CD5: variants seen among roughly 807,000 people sequenced by gnomAD.
CD5 encodes the protein T-cell surface glycoprotein CD5.
A neutral mutation model predicts 60.3 loss-of-function variants in CD5; 36 were observed. The observed-to-expected ratio is 0.60, with a 90% CI of 0.46 to 0.79. CD5 has a LOEUF of 0.79. CD5 is among the 30% of genes least tolerant of loss of function. The pLI, the probability that CD5 is intolerant of heterozygous loss-of-function variation, is 0.00. For missense variants in CD5, 540 were observed against 630.6 expected, an observed-to-expected ratio of 0.86 and a Z score of 1.54; for synonymous variants, 230 against 257.6, an observed-to-expected ratio of 0.89 and a Z score of 1.03.
At chr11:61,097,208 AG>A in the CD5 span, among the ~76,000 whole-genome samples, 2 of 152,192 alleles carry the variant, frequency 1.3e-5, no homozygotes, top group South Asian at 4.1e-4. Context: ...ATGTATGCGG[AG>A]GAACTGTAAT....
At chr11:61,102,413 C>T (rs993100681), upstream of CD5, 8 of 619,096 alleles carry the variant, frequency 1.3e-5, no homozygotes, top group African/African-American at 5.6e-5. Flanking sequence ...ACATGGGTGA[C>T]GCAGGCCCCA....
Position 61,118,124 on chromosome 11 carries a change from A to T in CD5, c.95-51A>T, listed in dbSNP as rs1019431859. 4 of 1,554,288 alleles carry T rather than the reference A, an allele frequency of 2.6e-6. No individual in the cohort carries two copies. The highest frequency in any genetic ancestry group is 2.1e-4 in the Middle Eastern group (1 of 4,814). On this transcript the variant is annotated intron_variant, in intron 2 of 10. Coordinates refer to ENST00000347785, the MANE Select transcript of CD5 (RefSeq NM_014207.4). The surrounding 1 kb of genome is among the most constrained non-coding windows in gnomAD (Gnocchi z 4.7). ...TAGGGAGAGGGCAGTGAGGGGTGCC[A>T]GTGGGGAACCCCTCCCAGCCTGACC...
intron 5 of CD5, among the ~76,000 whole-genome samples, chr11:61,120,271 T>C (rs1482133111): frequency 6.6e-6 from 1 of 152,162 alleles, no homozygotes; most frequent in Non-Finnish European, 1.5e-5. Context: ...AACTTCGCAG[T>C]ACGCCTCCCT....
At chr11:61,096,337 G>A in the CD5 span, among the ~76,000 whole-genome samples, 3 of 152,256 alleles carry the variant, frequency 2.0e-5, no homozygotes, top group Admixed American at 6.5e-5. Context: ...CTGGACTGAA[G>A]GGGACCGGGC....
upstream of CD5, chr11:61,102,355 A>G (rs1860705422): frequency 1.7e-6 from 1 of 590,786 alleles, no homozygotes; most frequent in Non-Finnish European, 3.0e-6. Flanking sequence ...TGCCATTCAA[A>G]CAGGGGCAGG....
At chr11:61,121,964 G>A in intron 6 of CD5, 60 bp downstream of exon 6, 1 of 1,431,272 alleles carries the variant, frequency 7.0e-7, no homozygotes, top group Non-Finnish European at 9.4e-7. Context: ...CTAGGACCCG[G>A]TCAGGGTGCA....
chr11:61,105,994 A>G (rs574864084), intron 1 of CD5, among the ~76,000 whole-genome samples: 1 of 152,044 alleles, frequency 6.6e-6, no homozygotes, highest in Non-Finnish European at 1.5e-5. Flanking sequence ...GAGTGGTGGC[A>G]CGCACCTGTA....
chr11:61,106,661 T>A (rs1444337916), intron 1 of CD5, among the ~76,000 whole-genome samples: 2 of 151,854 alleles, frequency 1.3e-5, no homozygotes, highest in Non-Finnish European at 2.9e-5. Flanking sequence ...ATCTATTCTG[T>A]GTGTGTGTGT....
At chr11:61,123,811 A>AAAGCC in intron 7 of CD5, 73 bp from the exon 8 acceptor site, 1 of 262,104 alleles carries the variant, frequency 3.8e-6, no homozygotes, top group Non-Finnish European at 7.1e-6. Flanking sequence ...GCCCAGCCCC[A>AAAGCC]TCCCCACCCC....
the CD5 span, among the ~76,000 whole-genome samples, chr11:61,095,123 A>G: frequency 6.6e-6 from 1 of 152,128 alleles, no homozygotes; most frequent in Non-Finnish European, 1.5e-5. Context: ...TCACAGCAGG[A>G]ATTGGTACCA....
the CD5 span, among the ~76,000 whole-genome samples, chr11:61,094,068 C>T: frequency 6.6e-6 from 1 of 152,016 alleles, no homozygotes; most frequent in African/African-American, 2.4e-5. Context: ...GTTCCCTGAC[C>T]AGGAAGCAAA....
intron 1 of CD5, among the ~76,000 whole-genome samples, chr11:61,106,324 G>A (rs965192164): frequency 6.6e-6 from 1 of 152,108 alleles, no homozygotes; most frequent in Non-Finnish European, 1.5e-5. Context: ...ATGAGGGACG[G>A]AGCCAGCCAG....
chr11:61,102,295 A>G (rs915165415), upstream of CD5: 17 of 534,014 alleles, frequency 3.2e-5, no homozygotes. Context: ...GGCCGAGAGC[A>G]CTGCCCCAGC....
At position 61,119,237 on chromosome 11, in the gene CD5, C is replaced by T; in HGVS notation, c.467C>T (p.Pro156Leu). Residue 156 changes from proline to leucine, a missense_variant, in exon 5 of 11, where the codon CCT becomes CTT. Transcript: ENST00000347785. The part of the protein sequence containing the change: ...PPTTTPEPTA[P>L]PRLQLVAQSG... ...CTCCTGCTCTCTCCTCTCCTAGCTC[C>T]TCCCAGGCTGCAGCTGGTGGCACAG... 6.3e-7 allele frequency: 1 copy of T among 1,595,094 alleles called. No individual in the cohort carries two copies. The highest frequency in any genetic ancestry group is 8.5e-7 in the Non-Finnish European group (1 of 1,170,006).
intron 1 of CD5, among the ~76,000 whole-genome samples, chr11:61,108,378 C>T (rs1860804859): frequency 6.6e-6 from 1 of 152,232 alleles, no homozygotes; most frequent in Non-Finnish European, 1.5e-5. Context: ...ATCTGCTGTT[C>T]CTTCCTGCGG....
intron 8 of CD5, 114 bp downstream of exon 8, chr11:61,124,051 A>C (rs925393987): frequency 1.2e-6 from 1 of 813,028 alleles, no homozygotes; most frequent in Non-Finnish European, 2.1e-6. Context: ...GAAGCCTCTG[A>C]TCTCCACGGT....
upstream of CD5, among the ~76,000 whole-genome samples, chr11:61,101,125 A>G (rs1860675989): frequency 9.4e-6 from 1 of 106,050 alleles, no homozygotes; most frequent in African/African-American, 3.4e-5. Context: ...GATCACACAC[A>G]CACATCAACA....
chr11:61,122,696 T>A (rs143435566), intron 6 of CD5, among the ~76,000 whole-genome samples: 109 of 151,302 alleles, frequency 7.2e-4, no homozygotes, highest in African/African-American at 2.5e-3. Flanking sequence ...TGATCAACTG[T>A]TAGATGACAA....
At chr11:61,103,787 G>A (rs1860737627) in intron 1 of CD5, among the ~76,000 whole-genome samples, 1 of 140,254 alleles carries the variant, frequency 7.1e-6, no homozygotes, top group Non-Finnish European at 1.5e-5. Context: ...TACTGTCTGG[G>A]GGGGAATGTG....
Sources: allele counts gnomAD v4.1 joint callset (sites outside exome capture counted in the v4.1 genomes callset), GRCh38; gene constraint gnomAD v4.1.1; non-coding constraint Gnocchi (gnomAD v3.1); transcripts MANE v1.5; gene names NCBI Gene and HGNC (gene_info 2026-07-23, HGNC 2026-07-21).